HSF2BP: variants seen among roughly 807,000 people sequenced by gnomAD.
HSF2BP encodes heat shock factor 2-binding protein.
HSF2BP carries 35 observed loss-of-function variants against 35.0 expected under a neutral mutation model. That is an observed-to-expected ratio of 1.00 (90% CI 0.76 to 1.32). HSF2BP has a LOEUF of 1.32. HSF2BP is among the 40% of genes most tolerant of loss of function. The pLI is 0.00. For synonymous variants in HSF2BP, 114 were observed against 117.4 expected, an observed-to-expected ratio of 0.97 and a Z score of 0.18; for missense variants, 326 against 321.7, an observed-to-expected ratio of 1.01 and a Z score of -0.10.
chr21:43,634,555 C>T (rs1474092073), intron 4 of HSF2BP, among the ~76,000 whole-genome samples: 1 of 152,008 alleles, frequency 6.6e-6, no homozygotes, highest in African/African-American at 2.4e-5. Flanking sequence ...CTTTTCACCC[C>T]CTGGAGGAAA....
chr21:43,612,426 T>C (rs968506849), intron 7 of HSF2BP, among the ~76,000 whole-genome samples: 4 of 151,514 alleles, frequency 2.6e-5, no homozygotes, highest in Admixed American at 1.3e-4. Context: ...CCAAGGCGGG[T>C]GGATCACGAG....
intron 7 of HSF2BP, among the ~76,000 whole-genome samples, chr21:43,604,353 C>G (rs1312798404): frequency 7.1e-6 from 1 of 141,102 alleles, no homozygotes; most frequent in Non-Finnish European, 1.5e-5. Flanking sequence ...GCACACACCA[C>G]ACACACACCA....
intron 8 of HSF2BP, among the ~76,000 whole-genome samples, chr21:43,581,682 T>G (rs989697665): frequency 6.6e-6 from 1 of 152,234 alleles, no homozygotes; most frequent in African/African-American, 2.4e-5. Flanking sequence ...CTTCAGCAGC[T>G]GAAGCCAGAA....
chr21:43,591,095 A>C (rs2081920492), intron 8 of HSF2BP, among the ~76,000 whole-genome samples: 1 of 152,250 alleles, frequency 6.6e-6, no homozygotes, highest in Non-Finnish European at 1.5e-5. Context: ...GAATCATAAA[A>C]AAATAAGGAA....
intron 6 of HSF2BP, among the ~76,000 whole-genome samples, chr21:43,615,219 G>A (rs2082256134): frequency 6.6e-6 from 1 of 152,326 alleles, no homozygotes; most frequent in Non-Finnish European, 1.5e-5. Context: ...GAAAAGAGAT[G>A]GGGCAGCAGC....
intron 7 of HSF2BP, among the ~76,000 whole-genome samples, chr21:43,612,068 T>A (rs921085547): frequency 6.6e-6 from 1 of 152,052 alleles, no homozygotes; most frequent in Non-Finnish European, 1.5e-5. Context: ...AATAGCACTG[T>A]AAAGACTCTG....
At position 43,576,455 on chromosome 21, in the gene HSF2BP, G is replaced by T. The variant is rs561703066; in HGVS notation, c.796+15770C>A. 2.4e-3 allele frequency among the ~76,000 whole-genome samples: 358 copies of T among 152,338 alleles called. 2 individuals carry two copies. Among genetic ancestry groups the T allele is most frequent in the Non-Finnish European group, 3.2e-3 (219 of 68,040 alleles). On this transcript the variant is annotated intron_variant, in intron 8 of 8. Transcript: ENST00000291560. ...CCAAATCCCATAAGGAAAGGCTCTA[G>T]TCCAGCAGCTGTCACATAGTAAATG...
At chr21:43,636,904 A>C (rs1014640654) in intron 4 of HSF2BP, among the ~76,000 whole-genome samples, 2 of 151,458 alleles carry the variant, frequency 1.3e-5, no homozygotes, top group African/African-American at 4.8e-5. Flanking sequence ...CAAAAAAAAA[A>C]AAAAAAAAAA....
chr21:43,641,449 A>G (rs2082635840), intron 4 of HSF2BP, among the ~76,000 whole-genome samples: 1 of 152,120 alleles, frequency 6.6e-6, no homozygotes, highest in Admixed American at 6.5e-5. Flanking sequence ...CACTGACCCA[A>G]CAAAATCTCT....
chr21:43,631,995 T>A (rs1188268766), intron 5 of HSF2BP, among the ~76,000 whole-genome samples: 21 of 28,880 alleles, frequency 7.3e-4, no homozygotes, highest in South Asian at 1.3e-3. Flanking sequence ...ACACACACAC[T>A]CCCACACACA....
At chr21:43,622,127 A>AT (rs2082338242) in intron 6 of HSF2BP, among the ~76,000 whole-genome samples, 1 of 152,188 alleles carries the variant, frequency 6.6e-6, no homozygotes, top group Admixed American at 6.5e-5. Context: ...ATATCTAAAG[A>AT]TTTTTTTGTA....
intron 7 of HSF2BP, among the ~76,000 whole-genome samples, chr21:43,594,026 T>C (rs1209665892): frequency 1.3e-5 from 2 of 152,154 alleles, no homozygotes; most frequent in Non-Finnish European, 1.5e-5. Context: ...ACAAATTTTG[T>C]AAAGCAGCCA....
intron 7 of HSF2BP, among the ~76,000 whole-genome samples, chr21:43,608,010 G>GA (rs2082155488): frequency 6.6e-6 from 1 of 152,068 alleles, no homozygotes; most frequent in African/African-American, 2.4e-5. Context: ...CAAAATCTAG[G>GA]AAATAGTCTT....
intron 8 of HSF2BP, among the ~76,000 whole-genome samples, chr21:43,581,317 C>T (rs1193514583): frequency 1.3e-5 from 2 of 151,270 alleles, no homozygotes; most frequent in East Asian, 3.9e-4. Flanking sequence ...ACCTGGGAGG[C>T]AGGGCTTGCA....
chr21:43,629,928 T>C (rs1206906854), intron 6 of HSF2BP, among the ~76,000 whole-genome samples: 4 of 152,184 alleles, frequency 2.6e-5, no homozygotes, highest in Non-Finnish European at 4.4e-5. Context: ...AAATCTTACA[T>C]GAAAGGAAGA....
intron 4 of HSF2BP, among the ~76,000 whole-genome samples, chr21:43,637,691 T>TA (rs1349280047): frequency 6.6e-6 from 1 of 151,506 alleles, no homozygotes; most frequent in Non-Finnish European, 1.5e-5. Context: ...CATATGCCTA[T>TA]AGACTCAGGA....
At chr21:43,575,107 T>G (rs1289786155) in intron 8 of HSF2BP, among the ~76,000 whole-genome samples, 1 of 152,224 alleles carries the variant, frequency 6.6e-6, no homozygotes, top group Non-Finnish European at 1.5e-5. Flanking sequence ...ATTCCCATTT[T>G]AAGAAATGGA....
At chr21:43,506,124 G>A in the HSF2BP span, among the ~76,000 whole-genome samples, 4 of 133,066 alleles carry the variant, frequency 3.0e-5, 1 homozygote, top group East Asian at 4.2e-4. Context: ...CTTCCTTCGC[G>A]GGAGAAACCC....
At chr21:43,654,807 G>A (rs2082843395) in intron 3 of HSF2BP, among the ~76,000 whole-genome samples, 1 of 152,256 alleles carries the variant, frequency 6.6e-6, no homozygotes, top group Non-Finnish European at 1.5e-5. Context: ...GAGTGTGCAT[G>A]AGACTGCCTA....
Sources: allele counts gnomAD v4.1 joint callset (sites outside exome capture counted in the v4.1 genomes callset), GRCh38; gene constraint gnomAD v4.1.1; transcripts MANE v1.5; gene names NCBI Gene and HGNC (gene_info 2026-07-23, HGNC 2026-07-21).